The following PDE1A variants were observed in gnomAD, a reference collection of about 807,000 sequenced individuals.
The protein encoded by PDE1A is phosphodiesterase 1A.
A neutral mutation model predicts 61.7 loss-of-function variants in PDE1A; 35 were observed. The observed-to-expected ratio is 0.57, with a 90% CI of 0.43 to 0.75. The LOEUF is 0.75. PDE1A is among the 30% of genes least tolerant of loss of function. PDE1A has a pLI of 0.00. For synonymous variants in PDE1A, 232 were observed against 213.2 expected (o/e 1.09, Z -0.77); for missense variants, 597 against 630.6 (o/e 0.95, Z 0.57).
chr2:182,551,308 G>C, the PDE1A span, among the ~76,000 whole-genome samples: 2 of 152,152 alleles, frequency 1.3e-5, no homozygotes. Flanking sequence ...CCAATTATTG[G>C]AGGAATCATC....
intron 13 of PDE1A, among the ~76,000 whole-genome samples, chr2:182,150,255 T>TTTA (rs1690706072): frequency 1.3e-5 from 2 of 152,192 alleles, no homozygotes; most frequent in Non-Finnish European, 2.9e-5. Context: ...ATTCTGACCC[T>TTTA]CTCTATATAA....
At chr2:182,518,417 T>C (rs1279840337) in intron 2 of PDE1A, among the ~76,000 whole-genome samples, 5 of 152,178 alleles carry the variant, frequency 3.3e-5, no homozygotes, top group African/African-American at 9.7e-5. Flanking sequence ...TCCTTCACTA[T>C]TGATAGTCAT....
At chr2:182,473,254 C>T (rs1290992503) in intron 2 of PDE1A, among the ~76,000 whole-genome samples, 5 of 151,882 alleles carry the variant, frequency 3.3e-5, no homozygotes, top group Non-Finnish European at 5.9e-5. Context: ...AAAGCAACGG[C>T]AACAAAAGCC....
intron 2 of PDE1A, among the ~76,000 whole-genome samples, chr2:182,438,946 A>C (rs1305102524): frequency 2.0e-5 from 3 of 151,980 alleles, no homozygotes; most frequent in Non-Finnish European, 4.4e-5. Flanking sequence ...ATGTTAGAGT[A>C]GTCTAGGTGA....
downstream of PDE1A, chr2:182,167,761 T>C (rs1339599285): frequency 2.9e-6 from 1 of 350,532 alleles, no homozygotes; most frequent in Non-Finnish European, 4.0e-6. Context: ...TCACTCTCAC[T>C]ATAATATAAA....
At chr2:182,498,685 CTG>C (rs1201228993) in intron 2 of PDE1A, among the ~76,000 whole-genome samples, 2 of 152,118 alleles carry the variant, frequency 1.3e-5, no homozygotes, top group Non-Finnish European at 2.9e-5. Flanking sequence ...TAGCTGACAC[CTG>C]TAATTCCAGC....
chr2:182,716,653 CCCTTCCTCTGCCCAG>C, the PDE1A span, among the ~76,000 whole-genome samples: 2 of 152,210 alleles, frequency 1.3e-5, no homozygotes, highest in African/African-American at 4.8e-5. Flanking sequence ...ATTCACACCA[CCCTTCCTCTGCCCAG>C]CGATTCCCTC....
intron 1 of PDE1A, among the ~76,000 whole-genome samples, chr2:182,405,753 G>C (rs1230811479): frequency 6.6e-6 from 1 of 152,078 alleles, no homozygotes; most frequent in East Asian, 1.9e-4. Context: ...CAAAATTTCT[G>C]AGAGTAAAGT....
At chr2:182,419,813 C>T (rs1172936679) in intron 1 of PDE1A, among the ~76,000 whole-genome samples, 1 of 152,238 alleles carries the variant, frequency 6.6e-6, no homozygotes, top group Middle Eastern at 3.4e-3. Context: ...CCATATCCTA[C>T]TTCACATATT....
rs1444792671 is a variant in PDE1A at position 182,217,969 on chromosome 2, C to T, written c.776+5895G>A. Reference sequence around the variant, plus strand: ...ATGCTGCTATAAAGACACATGCAAACGTATGTTTATTGCGGCACTATTCAC... The same window carrying T: ...ATGCTGCTATAAAGACACATGCAAATGTATGTTTATTGCGGCACTATTCAC... On this transcript the variant is annotated intron_variant, in intron 7 of 13. Coordinates refer to ENST00000351439, the Ensembl canonical transcript of PDE1A. Among the ~76,000 whole-genome samples the T allele has an allele frequency of 7.3e-5, 11 of 151,388 alleles. No homozygotes were observed. The East Asian group carries it at 1.2e-3, about 16-fold the overall frequency.
At chr2:182,709,292 C>T in the PDE1A span, among the ~76,000 whole-genome samples, 1 of 152,102 alleles carries the variant, frequency 6.6e-6, no homozygotes, top group Non-Finnish European at 1.5e-5. Flanking sequence ...AATATTTTTA[C>T]ATATCAATTG....
chr2:182,338,888 G>C (rs529981380), intron 1 of PDE1A, among the ~76,000 whole-genome samples: 1 of 152,200 alleles, frequency 6.6e-6, no homozygotes, highest in Non-Finnish European at 1.5e-5. Flanking sequence ...GTTTTATTTT[G>C]CCTGACTGCA....
chr2:182,595,167 A>G, the PDE1A span, among the ~76,000 whole-genome samples: 2 of 152,242 alleles, frequency 1.3e-5, no homozygotes, highest in African/African-American at 4.8e-5. Flanking sequence ...GGGATTAGAC[A>G]TAATCAATTT....
chr2:182,255,888 C>A (rs1475175618), intron 2 of PDE1A, among the ~76,000 whole-genome samples: 8 of 151,534 alleles, frequency 5.3e-5, no homozygotes, highest in Admixed American at 2.0e-4. Context: ...GAACTCCTGA[C>A]CTTGTGATCT....
chr2:182,299,951 C>A (rs1452149525), intron 1 of PDE1A, among the ~76,000 whole-genome samples: 2 of 152,154 alleles, frequency 1.3e-5, no homozygotes, highest in African/African-American at 4.8e-5. Flanking sequence ...ATAAGGACAA[C>A]CACACTGTGA....
exon 5 of PDE1A, chr2:182,231,096 T>C: frequency 6.2e-7 from 1 of 1,605,626 alleles, no homozygotes; most frequent in Middle Eastern, 1.7e-4. Context: ...TTGCTTCATT[T>C]AGGGCAAATA....
intron 2 of PDE1A, among the ~76,000 whole-genome samples, chr2:182,510,777 A>T (rs547151134): frequency 2.0e-5 from 3 of 152,324 alleles, no homozygotes; most frequent in Non-Finnish European, 2.9e-5. Context: ...TTCTTCTATC[A>T]GTGAAACTCT....
chr2:182,355,518 A>G (rs1412595695), intron 1 of PDE1A, among the ~76,000 whole-genome samples: 1 of 152,046 alleles, frequency 6.6e-6, no homozygotes, highest in African/African-American at 2.4e-5. Flanking sequence ...TAATACTTCA[A>G]TCTTATTTAT....
chr2:182,507,139 C>G (rs1054382801), intron 2 of PDE1A, among the ~76,000 whole-genome samples: 1 of 151,806 alleles, frequency 6.6e-6, no homozygotes, highest in African/African-American at 2.4e-5. Context: ...TACTAATTGG[C>G]TATTAGTTCA....
Sources: allele counts gnomAD v4.1 joint callset (sites outside exome capture counted in the v4.1 genomes callset), GRCh38; gene constraint gnomAD v4.1.1; transcripts MANE v1.5; gene names NCBI Gene and HGNC (gene_info 2026-07-23, HGNC 2026-07-21).